The following PDE7B variants were observed in gnomAD, a reference collection of about 807,000 sequenced individuals.
The protein encoded by PDE7B is 3',5'-cyclic-AMP phosphodiesterase 7B.
A neutral mutation model predicts 56.2 loss-of-function variants in PDE7B; 29 were observed. The ratio of observed to expected loss-of-function variants is 0.52; its 90% CI spans 0.38 to 0.70. The LOEUF (loss-of-function observed/expected upper bound fraction) is 0.70, where lower values mean the gene tolerates loss of function less well. PDE7B is among the 30% of genes least tolerant of loss of function. The pLI is 0.00. For synonymous variants in PDE7B, 197 were observed against 196.9 expected, an observed-to-expected ratio of 1.00 and a Z score of 0.00; for missense variants, 490 against 565.0, an observed-to-expected ratio of 0.87 and a Z score of 1.35.
At chr6:136,138,291 A>T (rs1391038960) in intron 3 of PDE7B, among the ~76,000 whole-genome samples, 3 of 152,148 alleles carry the variant, frequency 2.0e-5, no homozygotes, top group African/African-American at 7.2e-5. Context: ...CCTTTTGGAA[A>T]CAAATATATC....
intron 2 of PDE7B, among the ~76,000 whole-genome samples, chr6:135,974,119 T>C (rs535235677): frequency 8.4e-4 from 128 of 152,334 alleles, no homozygotes; most frequent in Admixed American, 8.4e-3. Flanking sequence ...GCTAACCAAC[T>C]GTTATACACT....
chr6:135,879,660 A>G (rs1775568337), intron 1 of PDE7B, among the ~76,000 whole-genome samples: 1 of 152,214 alleles, frequency 6.6e-6, no homozygotes, highest in Non-Finnish European at 1.5e-5. Flanking sequence ...TAAAGACATA[A>G]TCCCTGTCCT....
rs559537659 is a variant in PDE7B at position 136,026,169 on chromosome 6, A to G, written c.82+78645A>G. On this transcript the variant is annotated intron_variant, in intron 2 of 12. Transcript: ENST00000308191. ...CATTGCTAGCCCCTTTTCGTAAGAA[A>G]TAAAGTTACCTTAGTGGTTTAGCAT... Among the ~76,000 whole-genome samples the G allele has an allele frequency of 9.8e-5, 15 of 152,360 alleles. 1 individual carries two copies. The South Asian group carries it at 2.7e-3, about 27-fold the overall frequency.
intron 8 of PDE7B, among the ~76,000 whole-genome samples, chr6:136,167,930 C>T (rs1778821577): frequency 2.0e-5 from 3 of 152,224 alleles, no homozygotes; most frequent in Middle Eastern, 3.4e-3. Context: ...GGACACAGGA[C>T]TTCCGGAATG....
At chr6:136,162,151 A>G (rs1170119401) in intron 8 of PDE7B, 1 of 152,178 alleles carries the variant, frequency 6.6e-6, no homozygotes. Flanking sequence ...TGACCTAGGT[A>G]TAAAAATAGC....
At chr6:135,880,957 T>C (rs907819750) in intron 1 of PDE7B, among the ~76,000 whole-genome samples, 1 of 152,152 alleles carries the variant, frequency 6.6e-6, no homozygotes, top group African/African-American at 2.4e-5. Flanking sequence ...AGAAAACTCT[T>C]TTTCTTTTCT....
Position 135,947,471 on chromosome 6 carries a change from G to A in PDE7B, c.29G>A (p.Gly10Asp), listed in dbSNP as rs751929302. 10 of 1,611,262 alleles carry A rather than the reference G, an allele frequency of 6.2e-6. No individual in the cohort carries two copies. Among genetic ancestry groups the A allele is most frequent in the Non-Finnish European group, 6.8e-6 (8 of 1,177,744 alleles). The change falls in exon 2 of 13, where the codon GGC becomes GAC. Residue 10 changes from glycine (G) to aspartate (D), a missense_variant. Transcript: ENST00000308191. Reference protein sequence around the residue: MSCLMVERCGEILFENPDQN... With the variant: MSCLMVERCDEILFENPDQN... Reference sequence around the variant, plus strand: ...GCTATCTTTCTATTTCAGAGGTGTGGCGAAATCTTGTTTGAGAACCCCGAT... The same window carrying A: ...GCTATCTTTCTATTTCAGAGGTGTGACGAAATCTTGTTTGAGAACCCCGAT...
intron 3 of PDE7B, among the ~76,000 whole-genome samples, chr6:136,142,307 G>C (rs1778339730): frequency 1.3e-5 from 2 of 152,190 alleles, no homozygotes; most frequent in Non-Finnish European, 2.9e-5. Context: ...TGATTGCACT[G>C]TGGTCTGAGA....
intron 2 of PDE7B, among the ~76,000 whole-genome samples, chr6:135,963,107 A>G (rs1203920648): frequency 3.9e-5 from 6 of 152,204 alleles, no homozygotes; most frequent in African/African-American, 1.4e-4. Flanking sequence ...CTCAAAATCG[A>G]AACATGTAAC....
At chr6:135,937,846 T>A (rs1405535210) in intron 1 of PDE7B, among the ~76,000 whole-genome samples, 1 of 152,160 alleles carries the variant, frequency 6.6e-6, no homozygotes, top group Non-Finnish European at 1.5e-5. Flanking sequence ...CTTCCCCTCA[T>A]AAAACCCCAT....
chr6:136,130,806 A>G (rs1003277842), intron 3 of PDE7B, among the ~76,000 whole-genome samples: 4 of 152,166 alleles, frequency 2.6e-5, no homozygotes, highest in Admixed American at 6.5e-5. Context: ...AGACCTCACA[A>G]TCATGGTGGG....
intron 1 of PDE7B, among the ~76,000 whole-genome samples, chr6:135,874,673 T>C (rs1348346591): frequency 6.6e-6 from 1 of 152,210 alleles, no homozygotes; most frequent in East Asian, 1.9e-4. Flanking sequence ...AAAAAATCCA[T>C]GTAGAAATGA....
chr6:135,977,130 T>C (rs1470488503), intron 2 of PDE7B, among the ~76,000 whole-genome samples: 3 of 151,980 alleles, frequency 2.0e-5, no homozygotes, highest in Non-Finnish European at 4.4e-5. Flanking sequence ...AAGCCAACAA[T>C]CTATATCATC....
chr6:136,191,335 C>T (rs1779221198), intron 12 of PDE7B, among the ~76,000 whole-genome samples: 3 of 152,162 alleles, frequency 2.0e-5, no homozygotes, highest in African/African-American at 7.2e-5. Flanking sequence ...AAACATTTGC[C>T]ATTTCTCCTC....
intron 5 of PDE7B, 70 bp from the exon 6 acceptor site, chr6:136,151,090 G>C: frequency 1.2e-6 from 1 of 801,998 alleles, no homozygotes; most frequent in Non-Finnish European, 2.2e-6. Context: ...GAGACTTTAG[G>C]TCTTATTGTC....
intron 1 of PDE7B, among the ~76,000 whole-genome samples, chr6:135,867,593 C>T (rs115079126): frequency 0.02 from 3,063 of 152,190 alleles, 30 homozygotes; most frequent in African/African-American, 0.034. Context: ...CACCCTCTAC[C>T]GTCCAGTAGG....
At chr6:136,149,284 T>C (rs1434676974) in intron 5 of PDE7B, 134 bp downstream of exon 5, 2 of 658,914 alleles carry the variant, frequency 3.0e-6, no homozygotes, top group Non-Finnish European at 5.4e-6. Context: ...CTACAGCTAC[T>C]GAAGAAGGAC....
intron 2 of PDE7B, among the ~76,000 whole-genome samples, chr6:136,087,043 A>G (rs557788508): frequency 1.3e-5 from 2 of 152,358 alleles, no homozygotes; most frequent in East Asian, 3.9e-4. Flanking sequence ...TTACTTGTAT[A>G]CTATTCTTTA....
chr6:136,194,503 CA>C lies in PDE7B; in HGVS notation c.*2664del, dbSNP rs1779282050. The C allele has an allele frequency of 6.6e-6, 1 of 152,156 alleles. No individual in the cohort carries two copies. Among genetic ancestry groups the C allele is most frequent in the African/African-American group, 2.4e-5 (1 of 41,436 alleles). The allele number at this position is 152,156 out of a possible 1,614,324, so 9.4% of individuals were successfully genotyped here. A position where few individuals can be genotyped will look rare whatever the true frequency, so the allele number is the denominator to read the frequency against. On this transcript the variant is annotated 3_prime_UTR_variant, in exon 13 of 13. Transcript: ENST00000308191. ...TCAACTGGGGAGTTCTTGAGTTCCT[CA>C]TTTGTTGGTAAAAAGAAAAAGAATG...
Sources: gnomAD v4.1 joint callset for allele counts (sites outside exome capture counted in the v4.1 genomes callset) on GRCh38, gnomAD v4.1.1 for gene constraint, MANE v1.5 for transcripts, NCBI Gene and HGNC (gene_info 2026-07-23, HGNC 2026-07-21) for gene names.